Variants in ARID2 observed in about 807,000 individuals in gnomAD.
The protein encoded by ARID2 is AT-rich interaction domain 2.
Under a neutral mutation model 184.6 loss-of-function variants are expected in ARID2, and 32 were observed. That is an observed-to-expected ratio of 0.17 (90% CI 0.13 to 0.23). The LOEUF is 0.23. ARID2 is among the 10% of genes least tolerant of loss of function. The pLI is 1.00. For missense variants in ARID2, 1,696 were observed against 2,197.6 expected, an observed-to-expected ratio of 0.77 and a Z score of 4.56; for synonymous variants, 836 against 772.6, an observed-to-expected ratio of 1.08 and a Z score of -1.36.
At chr12:45,753,890 A>T (rs1292706862) in intron 3 of ARID2, among the ~76,000 whole-genome samples, 4 of 152,228 alleles carry the variant, frequency 2.6e-5, no homozygotes, top group African/African-American at 7.2e-5. Flanking sequence ...CCCCATAACA[A>T]CAACTTGCTT....
chr12:45,798,159 C>A (rs1417859200), intron 3 of ARID2, among the ~76,000 whole-genome samples: 1 of 152,086 alleles, frequency 6.6e-6, no homozygotes, highest in Non-Finnish European at 1.5e-5. Flanking sequence ...CAGCTATATA[C>A]TAATCCAACT....
In ARID2 at chr12:45,907,673, C is replaced by T. The variant is rs1944546796; in HGVS notation, c.*2595C>T. 1.3e-5 allele frequency: 3 copies of T among 233,148 alleles called. No individual in the cohort carries two copies. The East Asian group carries it at 1.8e-4, about 14-fold the overall frequency. 14.4% of individuals were successfully genotyped at this position (233,148 alleles called of 1,614,324 possible). On this transcript the variant is annotated 3_prime_UTR_variant, in exon 21 of 21. Transcript: ENST00000334344. Reference sequence around the variant, plus strand: ...CCCTCTCATTCATGAAAAGGTGCTCCTTGCTAGACAGAAACTTGCTGATTT... The same window carrying T: ...CCCTCTCATTCATGAAAAGGTGCTCTTTGCTAGACAGAAACTTGCTGATTT...
intron 3 of ARID2, among the ~76,000 whole-genome samples, chr12:45,750,744 G>A (rs913643477): frequency 6.6e-6 from 1 of 152,114 alleles, no homozygotes; most frequent in African/African-American, 2.4e-5. Context: ...AACATTTATT[G>A]AACACTTATT....
intron 3 of ARID2, among the ~76,000 whole-genome samples, chr12:45,751,252 C>G (rs1941459943): frequency 6.6e-6 from 1 of 152,098 alleles, no homozygotes; most frequent in African/African-American, 2.4e-5. Context: ...AAGGAGCAAA[C>G]CAGGTGGATA....
At chr12:45,822,215 T>C (rs1279449999) in intron 6 of ARID2, among the ~76,000 whole-genome samples, 1 of 152,144 alleles carries the variant, frequency 6.6e-6, no homozygotes, top group East Asian at 1.9e-4. Context: ...AAAGTAGCTC[T>C]CTTGGGCTGG....
chr12:45,789,890 G>A (rs1181458402), intron 3 of ARID2, among the ~76,000 whole-genome samples: 2 of 152,148 alleles, frequency 1.3e-5, no homozygotes, highest in Non-Finnish European at 2.9e-5. Flanking sequence ...GCCGAGATGG[G>A]AGGGTTGCTT....
intron 3 of ARID2, among the ~76,000 whole-genome samples, chr12:45,805,460 T>G (rs1257077279): frequency 6.6e-6 from 1 of 152,062 alleles, no homozygotes; most frequent in Non-Finnish European, 1.5e-5. Context: ...ATTATTTTAA[T>G]AGTTTTATAT....
At chr12:45,884,194 C>A (rs901977142) in intron 16 of ARID2, among the ~76,000 whole-genome samples, 2 of 152,104 alleles carry the variant, frequency 1.3e-5, no homozygotes, top group African/African-American at 4.8e-5. Flanking sequence ...GTCACGAGTT[C>A]AAGACCAGCT....
chr12:45,804,107 T>C (rs535202926), intron 3 of ARID2, among the ~76,000 whole-genome samples: 2 of 152,302 alleles, frequency 1.3e-5, no homozygotes, highest in Admixed American at 6.5e-5. Flanking sequence ...ACATTTCTTC[T>C]ACAGAAGCAA....
intron 3 of ARID2, among the ~76,000 whole-genome samples, chr12:45,736,467 A>G (rs1282214375): frequency 6.6e-6 from 1 of 152,214 alleles, no homozygotes; most frequent in Non-Finnish European, 1.5e-5. Flanking sequence ...TTCATTAGTC[A>G]GTGAGCAGGT....
intron 16 of ARID2, among the ~76,000 whole-genome samples, chr12:45,867,491 C>T (rs1943848886): frequency 6.6e-6 from 1 of 150,406 alleles, no homozygotes; most frequent in Non-Finnish European, 1.5e-5. Context: ...GCCTGTAATC[C>T]CAGCACTTTG....
At chr12:45,778,405 C>A (rs187740686) in intron 3 of ARID2, among the ~76,000 whole-genome samples, 1 of 151,870 alleles carries the variant, frequency 6.6e-6, no homozygotes, top group Non-Finnish European at 1.5e-5. Context: ...ATATACATTT[C>A]GTGTAAAAAA....
At chr12:45,763,790 T>C (rs1282831039) in intron 3 of ARID2, among the ~76,000 whole-genome samples, 1 of 152,188 alleles carries the variant, frequency 6.6e-6, no homozygotes, top group African/African-American at 2.4e-5. Flanking sequence ...TGTGCCTGGC[T>C]GATTGTTATT....
intron 6 of ARID2, among the ~76,000 whole-genome samples, chr12:45,834,452 G>T (rs1943177787): frequency 6.6e-6 from 1 of 152,120 alleles, no homozygotes; most frequent in Admixed American, 6.6e-5. Flanking sequence ...ATGTTGGCAG[G>T]CTGGGTACAG....
At position 45,893,273 on chromosome 12, in the gene ARID2, T is replaced by G. The variant is rs1592145316; in HGVS notation, c.5148-147T>G. 4.4e-6 allele frequency: 4 copies of G among 902,576 alleles called. No individual in the cohort carries two copies. In the East Asian group the frequency reaches 1.2e-4, roughly 27 times the overall value. 55.9% of individuals were successfully genotyped at this position (902,576 alleles called of 1,614,324 possible). On this transcript the variant is annotated intron_variant, in intron 18 of 20. Coordinates refer to ENST00000334344, the MANE Select transcript of ARID2 (RefSeq NM_152641.4). ...CTAGGCTGTCACAGAGCATAAACGT[T>G]AATGCTAGACCATTGGACCTTTAGT...
At chr12:45,794,972 C>T (rs570002261) in intron 3 of ARID2, among the ~76,000 whole-genome samples, 10 of 152,066 alleles carry the variant, frequency 6.6e-5, no homozygotes, top group Admixed American at 3.3e-4. Flanking sequence ...AAGTTTCTTT[C>T]TTTTTTCCAT....
chr12:45,738,063 T>C (rs1425806505), intron 3 of ARID2, among the ~76,000 whole-genome samples: 1 of 152,160 alleles, frequency 6.6e-6, no homozygotes, highest in Non-Finnish European at 1.5e-5. Context: ...TTGGAGAACT[T>C]TCTTTACATA....
chr12:45,732,041 C>T (rs1941013978), intron 3 of ARID2, among the ~76,000 whole-genome samples: 1 of 151,010 alleles, frequency 6.6e-6, no homozygotes, highest in African/African-American at 2.4e-5. Context: ...GTATGTGATA[C>T]AGTCTAGATG....
chr12:45,891,796 T>G lies in ARID2; in HGVS notation c.4939T>G (p.Ser1647Ala). The part of the protein sequence containing the change: ...QSCKKWFQTP[S>A]QVFYHAATEH... ...TTTTTATAGGTGGTTTCAGACACCC[T>G]CACAGGTTTTCTACCATGCAGCAAC... is the stretch of plus-strand genomic sequence containing the variant. The change falls in exon 17 of 21, where the codon TCA (serine) becomes GCA (alanine). Residue 1647 changes from serine to alanine, a missense_variant. Around this residue, in one of 11 missense-constraint regions of ARID2, gnomAD observed 111 missense variants for 154.0 expected, o/e 0.72. Coordinates refer to ENST00000334344, the MANE Select transcript of ARID2 (RefSeq NM_152641.4). 1 of 1,614,170 alleles carries G rather than the reference T, an allele frequency of 6.2e-7. No homozygotes were observed. Among genetic ancestry groups the G allele is most frequent in the Non-Finnish European group, 8.5e-7 (1 of 1,180,002 alleles).
Sources: allele counts gnomAD v4.1 joint callset (sites outside exome capture counted in the v4.1 genomes callset), GRCh38; gene constraint gnomAD v4.1.1; regional missense constraint gnomAD v4.1.1; transcripts MANE v1.5; gene names NCBI Gene and HGNC (gene_info 2026-07-23, HGNC 2026-07-21).